TSHZ2: variants seen among roughly 807,000 people sequenced by gnomAD.
TSHZ2 encodes teashirt homolog 2.
Under a neutral mutation model 74.4 loss-of-function variants are expected in TSHZ2, and 21 were observed. The observed-to-expected ratio is 0.28, with a 90% CI of 0.20 to 0.41. The LOEUF (loss-of-function observed/expected upper bound fraction) is 0.41. Ranked by LOEUF, TSHZ2 falls within the 10% of genes least tolerant of loss-of-function variation. The pLI is 1.00. For synonymous variants in TSHZ2, 540 were observed against 515.3 expected (o/e 1.05, Z -0.65); for missense variants, 1,244 against 1,293.5 (o/e 0.96, Z 0.59).
chr20:53,035,142 A>C (rs965039648), intron 1 of TSHZ2, among the ~76,000 whole-genome samples: 1 of 152,210 alleles, frequency 6.6e-6, no homozygotes, highest in Non-Finnish European at 1.5e-5. Context: ...GGCCTCTGTC[A>C]GCCCACACGA....
At chr20:53,049,692 C>T (rs866679599) in intron 1 of TSHZ2, among the ~76,000 whole-genome samples, 67 of 151,460 alleles carry the variant, frequency 4.4e-4, no homozygotes, top group Middle Eastern at 3.4e-3. Flanking sequence ...AAAGGAGAGA[C>T]GAAGGGAGGT....
intron 1 of TSHZ2, among the ~76,000 whole-genome samples, chr20:53,066,286 C>A (rs1984984184): frequency 6.6e-6 from 1 of 152,118 alleles, no homozygotes; most frequent in South Asian, 2.1e-4. Context: ...GGAGGCCCTG[C>A]AAGTAGCAAG....
chr20:53,237,565 A>C (rs1238317685), intron 1 of TSHZ2, among the ~76,000 whole-genome samples: 6 of 152,122 alleles, frequency 3.9e-5, no homozygotes, highest in African/African-American at 1.4e-4. Flanking sequence ...CATACGAAAA[A>C]TATAGACAAA....
At chr20:53,067,404 C>G (rs1014255681) in intron 1 of TSHZ2, among the ~76,000 whole-genome samples, 1 of 152,168 alleles carries the variant, frequency 6.6e-6, no homozygotes, top group Non-Finnish European at 1.5e-5. Context: ...CTTGCAGGCT[C>G]CAGTTGGGGT....
In TSHZ2 at chr20:53,433,576, GACACACAGACACAC is replaced by G. The variant is rs1374873922; in HGVS notation, c.*9-53560_*9-53547del. On this transcript the variant is annotated intron_variant, in intron 2 of 2. Coordinates refer to ENST00000371497, the MANE Select transcript of TSHZ2 (RefSeq NM_173485.6). Reference sequence around the variant, plus strand: ...CAGAACAAACCAACACAGACACACAGACACACAGACACACACACACACACACACACACACACACA... The same window carrying G: ...CAGAACAAACCAACACAGACACACAGACACACACACACACACACACACACA... Among the ~76,000 whole-genome samples the G allele has an allele frequency of 3.5e-4, 27 of 76,774 alleles. No homozygotes were observed. The South Asian group carries it at 6.2e-3, about 18-fold the overall frequency. 50.4% of individuals were successfully genotyped at this position (76,774 alleles called of 152,430 possible).
At chr20:53,240,714 AGATAGAT>A (rs1214353789) in intron 1 of TSHZ2, among the ~76,000 whole-genome samples, 3 of 134,848 alleles carry the variant, frequency 2.2e-5, no homozygotes, top group African/African-American at 8.3e-5. Flanking sequence ...TAAAATAGAT[AGATAGAT>A]GATAGATAGA....
chr20:53,192,578 A>AACC (rs1555834691), intron 1 of TSHZ2, among the ~76,000 whole-genome samples: 42 of 150,358 alleles, frequency 2.8e-4, no homozygotes, highest in African/African-American at 9.8e-4. Context: ...AAAAAAAAAA[A>AACC]CCCACAACAA....
At chr20:53,037,953 C>G (rs947166366) in intron 1 of TSHZ2, among the ~76,000 whole-genome samples, 1 of 152,052 alleles carries the variant, frequency 6.6e-6, no homozygotes. Context: ...TCTCCACATG[C>G]GCTCAGGTAA....
intron 1 of TSHZ2, among the ~76,000 whole-genome samples, chr20:53,039,707 G>C (rs1983965329): frequency 6.6e-6 from 1 of 152,112 alleles, no homozygotes; most frequent in Non-Finnish European, 1.5e-5. Flanking sequence ...TTGAACCTGG[G>C]AGGAGGAGGT....
chr20:53,008,142 T>C (rs1293095609), intron 1 of TSHZ2, among the ~76,000 whole-genome samples: 1 of 152,140 alleles, frequency 6.6e-6, no homozygotes, highest in Non-Finnish European at 1.5e-5. Flanking sequence ...TTTAGAGTGT[T>C]GAGCATGATT....
chr20:53,131,217 A>T (rs1987092785), intron 1 of TSHZ2, among the ~76,000 whole-genome samples: 1 of 152,164 alleles, frequency 6.6e-6, no homozygotes. Flanking sequence ...CTGTGTGGGC[A>T]TGTGTGCTCC....
intron 1 of TSHZ2, among the ~76,000 whole-genome samples, chr20:53,047,150 T>G (rs1984258065): frequency 6.6e-6 from 1 of 152,236 alleles, no homozygotes; most frequent in African/African-American, 2.4e-5. Flanking sequence ...CTCCTGATTT[T>G]TAAATGTTAA....
chr20:53,149,103 G>T (rs1222646430), intron 1 of TSHZ2, among the ~76,000 whole-genome samples: 2 of 151,414 alleles, frequency 1.3e-5, no homozygotes, highest in Non-Finnish European at 2.9e-5. Flanking sequence ...AACTTTTTCT[G>T]TCTCTCTTCC....
chr20:53,318,284 C>T (rs1396870546), intron 2 of TSHZ2, among the ~76,000 whole-genome samples: 1 of 152,104 alleles, frequency 6.6e-6, no homozygotes, highest in Non-Finnish European at 1.5e-5. Flanking sequence ...TTTCCCAACC[C>T]CTTTCTGGAA....
chr20:53,073,118 ATCCATTCC>A (rs1176646160), intron 1 of TSHZ2, among the ~76,000 whole-genome samples: 2 of 102,582 alleles, frequency 1.9e-5, no homozygotes, highest in Non-Finnish European at 4.2e-5. Flanking sequence ...CCCTCCATTC[ATCCATTCC>A]TCCATCCATC....
At chr20:53,222,526 G>A (rs6022341) in intron 1 of TSHZ2, among the ~76,000 whole-genome samples, 31,737 of 152,088 alleles carry the variant, frequency 0.21, 3,522 homozygotes, top group Middle Eastern at 0.29. Context: ...CATGCCCTTC[G>A]CAAAGTCTGG....
intron 2 of TSHZ2, among the ~76,000 whole-genome samples, chr20:53,464,579 A>C (rs575748595): frequency 1.3e-5 from 2 of 152,176 alleles, no homozygotes; most frequent in African/African-American, 4.8e-5. Flanking sequence ...CTCCTACCTC[A>C]GCCTCCCAAG....
intron 2 of TSHZ2, among the ~76,000 whole-genome samples, chr20:53,300,333 T>G (rs915007561): frequency 6.6e-6 from 1 of 152,220 alleles, no homozygotes; most frequent in African/African-American, 2.4e-5. Context: ...TACATCTCAA[T>G]ATATGGCTTT....
chr20:53,277,003 G>A (rs972574728), intron 2 of TSHZ2, among the ~76,000 whole-genome samples: 10 of 152,194 alleles, frequency 6.6e-5, no homozygotes, highest in East Asian at 1.9e-4. Flanking sequence ...GAGAGCAGGA[G>A]CTGAAATAGA....
Sources: gnomAD v4.1 joint callset for allele counts (sites outside exome capture counted in the v4.1 genomes callset) on GRCh38, gnomAD v4.1.1 for gene constraint, MANE v1.5 for transcripts, NCBI Gene and HGNC (gene_info 2026-07-23, HGNC 2026-07-21) for gene names.